Variants in NFIB observed in about 807,000 individuals in gnomAD.
NFIB encodes the protein nuclear factor I B, also known as nuclear factor 1 B-type.
NFIB carries 11 observed loss-of-function variants against 61.5 expected under a neutral mutation model. The ratio of observed to expected loss-of-function variants is 0.18; its 90% CI spans 0.11 to 0.30. The LOEUF is 0.30. NFIB is among the 10% of genes least tolerant of loss of function. The pLI is 1.00. For missense variants in NFIB, 471 were observed against 608.9 expected, an observed-to-expected ratio of 0.77 and a Z score of 2.38; for synonymous variants, 260 against 216.5, an observed-to-expected ratio of 1.20 and a Z score of -1.76.
In NFIB at chr9:14,102,386, G is replaced by A. The variant is rs1587187774; in HGVS notation, c.1467+10613C>T. The stretch of plus-strand genomic sequence containing the variant: ...ACACTATAGCTCATGTAATTTTTAG[G>A]TGTAAGTGTAGGGTTGGAAATAATT... On this transcript the variant is annotated intron_variant, in intron 10 of 10. Transcript: ENST00000380953. The A allele has an allele frequency of 2.7e-6, 4 of 1,486,374 alleles. No individual in the cohort carries two copies. The East Asian group carries it at 7.4e-5, about 28-fold the overall frequency. The allele number at this position is 1,486,374 out of a possible 1,614,324, so 92.1% of individuals were successfully genotyped here.
the NFIB span, among the ~76,000 whole-genome samples, chr9:14,448,928 T>G: frequency 1.3e-5 from 2 of 152,152 alleles, no homozygotes; most frequent in African/African-American, 4.8e-5. Context: ...TGCATACAAA[T>G]CAAAGAAAGG....
At chr9:14,153,814 A>C (rs1347460434) in intron 4 of NFIB, among the ~76,000 whole-genome samples, 2 of 152,152 alleles carry the variant, frequency 1.3e-5, no homozygotes, top group African/African-American at 4.8e-5. Context: ...CTATTTCATA[A>C]ATAATGAAGT....
At chr9:14,371,676 T>A (rs1024523301) in intron 1 of NFIB, among the ~76,000 whole-genome samples, 2 of 152,224 alleles carry the variant, frequency 1.3e-5, no homozygotes, top group African/African-American at 4.8e-5. Flanking sequence ...TACTTTCCCT[T>A]GAGAAATCAG....
the NFIB span, among the ~76,000 whole-genome samples, chr9:14,501,898 T>A: frequency 6.6e-6 from 1 of 152,176 alleles, no homozygotes; most frequent in Non-Finnish European, 1.5e-5. Context: ...GATGGAAGAA[T>A]TATTACAGAA....
At chr9:14,192,428 A>T (rs2048049095) in intron 2 of NFIB, among the ~76,000 whole-genome samples, 1 of 151,770 alleles carries the variant, frequency 6.6e-6, no homozygotes, top group Non-Finnish European at 1.5e-5. Context: ...CCCTCCACCC[A>T]CCCCCAAAAT....
chr9:14,216,099 T>A (rs775165389), intron 2 of NFIB, among the ~76,000 whole-genome samples: 3 of 152,204 alleles, frequency 2.0e-5, no homozygotes, highest in African/African-American at 4.8e-5. Context: ...TGTTCAATAT[T>A]AAGAAATAAC....
intron 3 of NFIB, among the ~76,000 whole-genome samples, chr9:14,166,828 C>A (rs1234406478): frequency 6.6e-6 from 1 of 152,272 alleles, no homozygotes; most frequent in African/African-American, 2.4e-5. Context: ...TCTTACTCCT[C>A]CGATGCAATT....
At chr9:14,137,206 A>G (rs944287450) in intron 6 of NFIB, among the ~76,000 whole-genome samples, 3 of 152,160 alleles carry the variant, frequency 2.0e-5, no homozygotes, top group African/African-American at 7.2e-5. Context: ...AAAGTAGGAG[A>G]CACTGATTCC....
At chr9:14,506,440 T>C in the NFIB span, among the ~76,000 whole-genome samples, 1 of 152,180 alleles carries the variant, frequency 6.6e-6, no homozygotes, top group African/African-American at 2.4e-5. Context: ...GCACGAGGTT[T>C]CACTGTCCTG....
At chr9:14,451,099 C>G in the NFIB span, among the ~76,000 whole-genome samples, 1 of 152,198 alleles carries the variant, frequency 6.6e-6, no homozygotes, top group Non-Finnish European at 1.5e-5. Context: ...CTGCTCTAGC[C>G]AGCTGGAGGA....
the NFIB span, among the ~76,000 whole-genome samples, chr9:14,419,822 G>A: frequency 1.3e-5 from 2 of 152,162 alleles, no homozygotes; most frequent in Non-Finnish European, 2.9e-5. Flanking sequence ...TGTCACCCCA[G>A]GACATATGAG....
the NFIB span, among the ~76,000 whole-genome samples, chr9:14,414,246 C>T: frequency 6.6e-6 from 1 of 151,952 alleles, no homozygotes; most frequent in African/African-American, 2.4e-5. Context: ...GACCCCATGG[C>T]CAATATGGTG....
the NFIB span, among the ~76,000 whole-genome samples, chr9:14,423,437 C>T: frequency 6.6e-6 from 1 of 152,184 alleles, no homozygotes; most frequent in Non-Finnish European, 1.5e-5. Flanking sequence ...ATACTTTCAG[C>T]CCACATGTGG....
chr9:14,286,024 T>C (rs1031631336), intron 2 of NFIB, among the ~76,000 whole-genome samples: 1 of 152,016 alleles, frequency 6.6e-6, no homozygotes, highest in African/African-American at 2.4e-5. Context: ...TTCTAGCAAG[T>C]TCCAACGCCA....
At chr9:14,255,793 CTG>C (rs938114191) in intron 2 of NFIB, among the ~76,000 whole-genome samples, 2 of 152,226 alleles carry the variant, frequency 1.3e-5, no homozygotes, top group African/African-American at 4.8e-5. Context: ...ACTCAACTGA[CTG>C]TGAGAATCAC....
intron 1 of NFIB, among the ~76,000 whole-genome samples, chr9:14,327,843 A>G (rs1018383877): frequency 7.2e-5 from 11 of 152,216 alleles, no homozygotes; most frequent in Admixed American, 6.5e-4. Flanking sequence ...AAACCCTCCT[A>G]TAATATATTC....
At chr9:14,158,928 T>C (rs2043807469) in intron 3 of NFIB, among the ~76,000 whole-genome samples, 1 of 152,238 alleles carries the variant, frequency 6.6e-6, no homozygotes, top group Non-Finnish European at 1.5e-5. Context: ...GAATAAGTGA[T>C]GAACATTTCA....
intron 2 of NFIB, among the ~76,000 whole-genome samples, chr9:14,249,567 T>A (rs943047270): frequency 3.9e-5 from 6 of 152,174 alleles, no homozygotes; most frequent in African/African-American, 1.4e-4. Context: ...CATTATCTTA[T>A]AAACTTCCTC....
At chr9:14,416,117 G>C in the NFIB span, among the ~76,000 whole-genome samples, 1 of 152,120 alleles carries the variant, frequency 6.6e-6, no homozygotes, top group South Asian at 2.1e-4. Flanking sequence ...ACTGAAACAA[G>C]CTATAAAACA....
Sources: gnomAD v4.1 joint callset for allele counts (sites outside exome capture counted in the v4.1 genomes callset) on GRCh38, gnomAD v4.1.1 for gene constraint, MANE v1.5 for transcripts, NCBI Gene and HGNC (gene_info 2026-07-23, HGNC 2026-07-21) for gene names.